The following GFRA1 variants were observed in gnomAD, a reference collection of about 807,000 sequenced individuals.
GFRA1 encodes GDNF family receptor alpha 1.
Under a neutral mutation model 51.6 loss-of-function variants are expected in GFRA1, and 16 were observed. That is an observed-to-expected ratio of 0.31 (90% confidence interval 0.21 to 0.47). The LOEUF is 0.47. GFRA1 is among the 20% of genes least tolerant of loss of function. The probability of loss-of-function intolerance (pLI) is 1.00; values close to 1 mark genes in which losing one functional copy is unlikely to be tolerated. For synonymous variants in GFRA1, 270 were observed against 241.3 expected (o/e 1.12, Z -1.10); for missense variants, 530 against 594.3 (o/e 0.89, Z 1.13).
chr10:116,199,069 G>T (rs1230543377), intron 5 of GFRA1, among the ~76,000 whole-genome samples: 1 of 152,174 alleles, frequency 6.6e-6, no homozygotes, highest in Admixed American at 6.5e-5. Flanking sequence ...GCTGGAAGCG[G>T]CCGGGACAGA....
At chr10:116,162,694 T>C (rs999750470) in intron 5 of GFRA1, among the ~76,000 whole-genome samples, 14 of 152,222 alleles carry the variant, frequency 9.2e-5, no homozygotes, top group African/African-American at 3.4e-4. Context: ...AATTATACAT[T>C]GTTCCAAAGA....
chr10:116,111,062 C>G (rs912544378), intron 6 of GFRA1, among the ~76,000 whole-genome samples: 1 of 152,194 alleles, frequency 6.6e-6, no homozygotes, highest in African/African-American at 2.4e-5. Flanking sequence ...TCCTGACAAC[C>G]AAGGGTGCTT....
chr10:116,083,237 G>A (rs1955933389), intron 9 of GFRA1, among the ~76,000 whole-genome samples: 1 of 152,208 alleles, frequency 6.6e-6, no homozygotes, highest in Non-Finnish European at 1.5e-5. Context: ...ACTTGGAGGG[G>A]TGGGGTAAGG....
intron 5 of GFRA1, among the ~76,000 whole-genome samples, chr10:116,182,667 A>G (rs1267641087): frequency 6.6e-6 from 1 of 152,248 alleles, no homozygotes; most frequent in East Asian, 1.9e-4. Context: ...TTCATGTCAG[A>G]TTTCTAGAAG....
intron 9 of GFRA1, among the ~76,000 whole-genome samples, chr10:116,082,770 A>G (rs1011419960): frequency 1.3e-5 from 2 of 152,066 alleles, no homozygotes; most frequent in Non-Finnish European, 2.9e-5. Context: ...GAGCCACCAC[A>G]CCCAGCCTCA....
At position 116,270,817 on chromosome 10, in the gene GFRA1, C is replaced by G. The variant is rs772265596; in HGVS notation, c.334+5G>C. 4 of 1,609,588 alleles carry G rather than the reference C, an allele frequency of 2.5e-6. No individual in the cohort carries two copies. The highest frequency in any genetic ancestry group is 3.4e-6 in the Non-Finnish European group (4 of 1,177,174). On this transcript the variant is annotated splice_donor_5th_base_variant and intron_variant, in intron 3 of 10. Coordinates refer to ENST00000355422, the MANE Select transcript of GFRA1 (RefSeq NM_005264.8). Reference sequence around the variant, plus strand: ...CGGGGTGGGGTGGGGAGGTTCCACGCGTACCCTGCAGGCTCTGGTACATGC... The same window carrying G: ...CGGGGTGGGGTGGGGAGGTTCCACGGGTACCCTGCAGGCTCTGGTACATGC...
intron 5 of GFRA1, among the ~76,000 whole-genome samples, chr10:116,168,558 A>G (rs1960719760): frequency 6.6e-6 from 1 of 152,158 alleles, no homozygotes; most frequent in Non-Finnish European, 1.5e-5. Context: ...CTTGCTCATC[A>G]GGCCACAGGA....
intron 9 of GFRA1, among the ~76,000 whole-genome samples, chr10:116,070,986 G>A (rs547066566): frequency 3.4e-4 from 51 of 152,138 alleles, no homozygotes; most frequent in Non-Finnish European, 6.0e-4. Context: ...AGTCAGCTGC[G>A]TAAAACAAGT....
chr10:116,146,041 A>C (rs1453124501), intron 5 of GFRA1, among the ~76,000 whole-genome samples: 5 of 152,070 alleles, frequency 3.3e-5, no homozygotes, highest in Non-Finnish European at 5.9e-5. Flanking sequence ...TTTGTGTATA[A>C]ATAATATATA....
intron 5 of GFRA1, among the ~76,000 whole-genome samples, chr10:116,177,263 G>A (rs188945193): frequency 6.6e-6 from 1 of 152,322 alleles, no homozygotes; most frequent in East Asian, 1.9e-4. Context: ...CGACCTGAGT[G>A]ACGGTGTAGA....
At chr10:116,073,165 T>TGTCA (rs1359832606) in intron 9 of GFRA1, among the ~76,000 whole-genome samples, 1 of 152,220 alleles carries the variant, frequency 6.6e-6, no homozygotes, top group African/African-American at 2.4e-5. Context: ...CGGGCTTCCC[T>TGTCA]GTCAGTCTCC....
chr10:116,166,464 C>A (rs2134202418), intron 5 of GFRA1, among the ~76,000 whole-genome samples: 2 of 152,290 alleles, frequency 1.3e-5, no homozygotes, highest in Middle Eastern at 6.8e-3. Context: ...TTCCGTGGGA[C>A]CACTTCACTT....
intron 8 of GFRA1, 145 bp downstream of exon 8, chr10:116,093,557 C>T (rs1956442151): frequency 1.3e-6 from 1 of 746,050 alleles, no homozygotes; most frequent in Non-Finnish European, 2.3e-6. Context: ...GGGAGAAAGA[C>T]AGACAGAGAG....
chr10:116,193,757 T>C (rs1246729397), intron 5 of GFRA1, among the ~76,000 whole-genome samples: 2 of 152,144 alleles, frequency 1.3e-5, no homozygotes. Flanking sequence ...GTTAACCTTC[T>C]ATAAAAAGGT....
intron 5 of GFRA1, among the ~76,000 whole-genome samples, chr10:116,210,384 G>T (rs1210701692): frequency 6.6e-6 from 1 of 152,062 alleles, no homozygotes; most frequent in Admixed American, 6.6e-5. Context: ...AAAATGATCT[G>T]CCTAGAGTGC....
intron 4 of GFRA1, among the ~76,000 whole-genome samples, chr10:116,213,804 C>A (rs7914941): frequency 0.024 from 3,629 of 152,234 alleles, 164 homozygotes; most frequent in African/African-American, 0.083. Flanking sequence ...GTCGTTCATA[C>A]TCCCAAGGGC....
intron 4 of GFRA1, among the ~76,000 whole-genome samples, chr10:116,230,511 C>T (rs868623589): frequency 3.3e-5 from 5 of 152,150 alleles, no homozygotes; most frequent in Admixed American, 1.3e-4. Flanking sequence ...GGAAGACACA[C>T]ACATATATAG....
chr10:116,099,371 A>G (rs1956728431), intron 6 of GFRA1, among the ~76,000 whole-genome samples: 1 of 152,218 alleles, frequency 6.6e-6, no homozygotes, highest in Admixed American at 6.5e-5. Flanking sequence ...AAGAACCAGT[A>G]TGATGTTAGT....
At chr10:116,208,963 G>A (rs1367105986) in intron 5 of GFRA1, among the ~76,000 whole-genome samples, 1 of 152,192 alleles carries the variant, frequency 6.6e-6, no homozygotes, top group Non-Finnish European at 1.5e-5. Flanking sequence ...CAATGTCTCT[G>A]TGGACAACAG....
Sources: allele counts gnomAD v4.1 joint callset (sites outside exome capture counted in the v4.1 genomes callset), GRCh38; gene constraint gnomAD v4.1.1; transcripts MANE v1.5; gene names NCBI Gene and HGNC (gene_info 2026-07-23, HGNC 2026-07-21).